Variants in ARFGEF3 observed in about 807,000 individuals in gnomAD.
ARFGEF3 encodes the protein ARFGEF family member 3, also known as brefeldin A-inhibited guanine nucleotide-exchange protein 3.
In ARFGEF3, 96 loss-of-function variants were observed where a neutral mutation model predicts 221.7. The observed-to-expected ratio is 0.43, with a 90% CI of 0.37 to 0.51. The LOEUF is 0.51. Ranked by LOEUF, ARFGEF3 falls within the 20% of genes least tolerant of loss-of-function variation. ARFGEF3 has a pLI of 0.00. For missense variants in ARFGEF3, 2,410 were observed against 2,789.9 expected, an observed-to-expected ratio of 0.86 and a Z score of 3.07; for synonymous variants, 1,145 against 1,126.8, an observed-to-expected ratio of 1.02 and a Z score of -0.32.
intron 2 of ARFGEF3, among the ~76,000 whole-genome samples, chr6:138,194,251 G>A (rs1777366688): frequency 6.8e-6 from 1 of 146,666 alleles, no homozygotes; most frequent in African/African-American, 2.5e-5. Context: ...CTGGGTGACA[G>A]AGCAAGACTC....
intron 2 of ARFGEF3, among the ~76,000 whole-genome samples, chr6:138,179,202 T>G (rs962220240): frequency 6.6e-6 from 1 of 152,230 alleles, no homozygotes; most frequent in Non-Finnish European, 1.5e-5. Context: ...GTCTCTTTCT[T>G]CCTTCCAGGT....
At chr6:138,214,215 A>C (rs1777790367) in intron 4 of ARFGEF3, among the ~76,000 whole-genome samples, 1 of 152,200 alleles carries the variant, frequency 6.6e-6, no homozygotes, top group Non-Finnish European at 1.5e-5. Context: ...GTATTCTCCC[A>C]AAAATTATAG....
In ARFGEF3 at chr6:138,285,986, G is replaced by A; in HGVS notation, c.2502G>A (p.Leu834=). ...AGAGCAGTGCCATTGGTGGCCAGCT[G>A]ATGGCCTCGGCTGCTACAGAGTCTC... The part of the protein sequence containing the change: ...GLESSAIGGQ[L]MASAATESPF... The change falls in exon 15 of 34, where the codon CTG becomes CTA. Residue 834 remains leucine, a synonymous_variant. Coordinates refer to ENST00000251691, the MANE Select transcript of ARFGEF3 (RefSeq NM_020340.5). 1 of 1,611,610 alleles carries A rather than the reference G, an allele frequency of 6.2e-7. No individual in the cohort carries two copies.
At chr6:138,189,258 G>T (rs1777247783) in intron 2 of ARFGEF3, among the ~76,000 whole-genome samples, 1 of 152,192 alleles carries the variant, frequency 6.6e-6, no homozygotes, top group Non-Finnish European at 1.5e-5. Flanking sequence ...TAATGTCAGG[G>T]CGTGAACTGA....
At chr6:138,244,737 T>C (rs1248100486) in intron 7 of ARFGEF3, among the ~76,000 whole-genome samples, 1 of 152,224 alleles carries the variant, frequency 6.6e-6, no homozygotes, top group East Asian at 1.9e-4. Context: ...CATTTTTCTC[T>C]GATTTCTTAG....
intron 12 of ARFGEF3, among the ~76,000 whole-genome samples, chr6:138,263,971 T>C (rs1057473701): frequency 2.0e-5 from 3 of 152,246 alleles, no homozygotes; most frequent in African/African-American, 7.2e-5. Flanking sequence ...CTAAAATTCA[T>C]AGAGCAATGT....
chr6:138,321,619 C>G (rs541005746), intron 29 of ARFGEF3, among the ~76,000 whole-genome samples: 1 of 152,154 alleles, frequency 6.6e-6, no homozygotes, highest in African/African-American at 2.4e-5. Flanking sequence ...AGGGAACCCT[C>G]GTACACTGTT....
Position 138,291,843 on chromosome 6 carries a change from T to G in ARFGEF3, c.3158T>G (p.Leu1053Arg). Residue 1053 changes from leucine to arginine, a missense_variant, in exon 19 of 34, where the codon CTT becomes CGT. Transcript: ENST00000251691. The surrounding 1 kb of genome is among the most constrained non-coding windows in gnomAD (Gnocchi z 4.5). ...PQKATGSAGL[L>R]GDPECEGSPP... ...AAGGCCACTGGAAGCGCTGGCCTCC[T>G]TGGGGACCCCGAGTGTGAGGGCTCG... is the stretch of plus-strand genomic sequence containing the variant. 2 of 1,502,062 alleles carry G rather than the reference T, an allele frequency of 1.3e-6. No homozygotes were observed. The highest frequency in any genetic ancestry group is 2.2e-5 in the Admixed American group (1 of 46,166). 93.0% of individuals were successfully genotyped at this position (1,502,062 alleles called of 1,614,324 possible).
At chr6:138,292,725 G>A (rs1159326896) in intron 19 of ARFGEF3, among the ~76,000 whole-genome samples, 1 of 152,196 alleles carries the variant, frequency 6.6e-6, no homozygotes, top group Non-Finnish European at 1.5e-5. Flanking sequence ...CCTGGGCCAG[G>A]ACTCAGATTG....
At position 138,280,041 on chromosome 6, in the gene ARFGEF3, GTCT is replaced by G; in HGVS notation, c.2342_2344del (p.Phe781del). On this transcript the variant is annotated inframe_deletion, in exon 14 of 34. Transcript: ENST00000251691. The stretch of plus-strand genomic sequence containing the variant: ...GGTGCAGACCAGCGGCGTGCTGATG[GTCT>G]TCTCTCAGGCCTGGATTGAGGAGCT... The G allele has an allele frequency of 1.2e-6, 2 of 1,613,922 alleles. No homozygotes were observed. Among genetic ancestry groups the G allele is most frequent in the Non-Finnish European group, 1.7e-6 (2 of 1,179,844 alleles).
chr6:138,291,907 C>T lies in ARFGEF3; in HGVS notation c.3222C>T (p.Ser1074=). The change falls in exon 19 of 34, where the codon AGC becomes AGT. Residue 1074 remains serine, a synonymous_variant. Coordinates refer to ENST00000251691, the MANE Select transcript of ARFGEF3 (RefSeq NM_020340.5). This position sits in a 1 kb window ranked among gnomAD's most constrained non-coding sequence, Gnocchi z 4.5. ...EHSPEQGRSL[S]TAPVVQPLSI... is the part of the protein sequence containing the mutation. ...GCCCGGAGCAGGGGCGCTCCCTGAGCACGGCCCCTGTCGTCCAGCCCCTGT... is the reference window on the plus strand; with the variant it reads ...GCCCGGAGCAGGGGCGCTCCCTGAGTACGGCCCCTGTCGTCCAGCCCCTGT... The T allele has an allele frequency of 1.3e-6, 2 of 1,488,510 alleles. No individual in the cohort carries two copies. Among genetic ancestry groups the T allele is most frequent in the South Asian group, 1.3e-5 (1 of 76,876 alleles). 92.2% of individuals were successfully genotyped at this position (1,488,510 alleles called of 1,614,324 possible).
intron 26 of ARFGEF3, 119 bp from the exon 27 acceptor site, chr6:138,317,132 G>A: frequency 3.0e-6 from 3 of 1,013,356 alleles, no homozygotes; most frequent in Non-Finnish European, 2.8e-6. Flanking sequence ...AACAACACTG[G>A]GTGATGGCTC....
chr6:138,182,442 A>T lies in ARFGEF3; in HGVS notation c.137+11729A>T, dbSNP rs1777095150. On this transcript the variant is annotated intron_variant, in intron 2 of 33. Coordinates refer to ENST00000251691, the MANE Select transcript of ARFGEF3 (RefSeq NM_020340.5). ...TTACCAATAAAGGATTATGGATTAG[A>T]CCACCTTGTATCAAAACAGCTTCAA... Among the ~76,000 whole-genome samples the T allele has an allele frequency of 3.3e-5, 5 of 152,334 alleles. No homozygotes were observed. In the South Asian group the frequency reaches 1.0e-3, roughly 32 times the overall value.
chr6:138,264,501 G>A (rs1454257967), intron 12 of ARFGEF3, among the ~76,000 whole-genome samples: 4 of 152,154 alleles, frequency 2.6e-5, no homozygotes, highest in Non-Finnish European at 4.4e-5. Flanking sequence ...CCTGTGCTCA[G>A]ATCCAAAGGG....
At chr6:138,209,817 A>G (rs932834278) in intron 3 of ARFGEF3, 93 bp from the exon 4 acceptor site, 1 of 1,493,538 alleles carries the variant, frequency 6.7e-7, no homozygotes, top group Non-Finnish European at 9.1e-7. Context: ...CCTCCCCAGT[A>G]AGAAAACTGA....
Position 138,344,298 on chromosome 6 carries a change from G to A in ARFGEF3, c.*7812G>A, listed in dbSNP as rs1218704859. 1.3e-5 allele frequency: 2 copies of A among 152,104 alleles called. No individual in the cohort carries two copies. The highest frequency in any genetic ancestry group is 2.4e-5 in the African/African-American group (1 of 41,424). The allele number at this position is 152,104 out of a possible 1,614,324, so 9.4% of individuals were successfully genotyped here. A position where few individuals can be genotyped will look rare whatever the true frequency, so the allele number is the denominator to read the frequency against. ...TTCATCCTTGCAACCCCATTCACCA[G>A]GAGCCTTGAAGCATTTTGTTTACTC... On this transcript the variant is annotated 3_prime_UTR_variant, in exon 34 of 34. Coordinates refer to ENST00000251691, the MANE Select transcript of ARFGEF3 (RefSeq NM_020340.5).
At chr6:138,166,084 G>A (rs566079564) in intron 1 of ARFGEF3, among the ~76,000 whole-genome samples, 4 of 152,320 alleles carry the variant, frequency 2.6e-5, no homozygotes, top group South Asian at 2.1e-4. Context: ...ATGGATACTC[G>A]TCAATCAAAA....
chr6:138,163,819 G>T (rs1034075167), intron 1 of ARFGEF3, among the ~76,000 whole-genome samples: 2 of 152,192 alleles, frequency 1.3e-5, no homozygotes, highest in Non-Finnish European at 2.9e-5. Context: ...AGAAGTGCAT[G>T]AAATAGTTAA....
rs990517265 is a variant in ARFGEF3, at chr6:138,339,216, A to T, written c.*2730A>T. On this transcript the variant is annotated 3_prime_UTR_variant, in exon 34 of 34. Transcript: ENST00000251691. ...AGTAGGCATTCAGGTGGTTCTTCCC[A>T]GCAGGTGGAGAAGAAAGGGAGGAGA... 1.3e-5 allele frequency: 2 copies of T among 152,310 alleles called. No individual in the cohort carries two copies. Among genetic ancestry groups the T allele is most frequent in the Non-Finnish European group, 2.9e-5 (2 of 68,140 alleles). The allele number at this position is 152,310 out of a possible 1,614,324, so 9.4% of individuals were successfully genotyped here.
Sources: allele counts gnomAD v4.1 joint callset (sites outside exome capture counted in the v4.1 genomes callset), GRCh38; gene constraint gnomAD v4.1.1; non-coding constraint Gnocchi (gnomAD v3.1); transcripts MANE v1.5; gene names NCBI Gene and HGNC (gene_info 2026-07-23, HGNC 2026-07-21).